KIF14: variants seen among roughly 807,000 people sequenced by gnomAD.
KIF14 encodes the protein kinesin family member 14, also known as kinesin-like protein KIF14.
Under a neutral mutation model 176.2 loss-of-function variants are expected in KIF14, and 98 were observed. The ratio of observed to expected loss-of-function variants is 0.56; its 90% CI spans 0.47 to 0.66. The LOEUF is 0.66. KIF14 is among the 30% of genes least tolerant of loss of function. The pLI, the probability that KIF14 is intolerant of heterozygous loss-of-function variation, is 0.00. For synonymous variants in KIF14, 566 were observed against 632.2 expected (o/e 0.90, Z 1.57); for missense variants, 1,751 against 1,920.4 (o/e 0.91, Z 1.65).
chr1:200,586,729 A>G (rs1365647692), intron 18 of KIF14, among the ~76,000 whole-genome samples: 1 of 150,280 alleles, frequency 6.7e-6, no homozygotes, highest in Non-Finnish European at 1.5e-5. Context: ...TATGGAATCA[A>G]CCTAAGTGTC....
intron 19 of KIF14, 28 bp downstream of exon 19, chr1:200,586,073 A>T: frequency 7.0e-7 from 1 of 1,426,792 alleles, no homozygotes. Flanking sequence ...ATTTTAGAAA[A>T]TGTTTGCTAA....
intron 4 of KIF14, among the ~76,000 whole-genome samples, chr1:200,610,410 TGAGGCAGAAGAATGGCATGAACCCGG>T (rs1660097253): frequency 6.7e-6 from 1 of 150,094 alleles, no homozygotes; most frequent in East Asian, 1.9e-4. Context: ...CTCAGGAGGC[TGAGGCAGAAGAATGGCATGAACCCGG>T]GAGGCAGAGC....
intron 18 of KIF14, among the ~76,000 whole-genome samples, chr1:200,587,510 C>A (rs181991151): frequency 6.6e-6 from 1 of 151,860 alleles, no homozygotes; most frequent in Non-Finnish European, 1.5e-5. Context: ...GCATTATAAG[C>A]CCAATAATAA....
intron 12 of KIF14, 26 bp downstream of exon 12, chr1:200,600,330 C>A (rs375684219): frequency 1.2e-6 from 2 of 1,605,922 alleles, no homozygotes; most frequent in Non-Finnish European, 1.7e-6. Flanking sequence ...ACACACTTAA[C>A]ATTTAGAGTA....
In KIF14 at chr1:200,586,085, A is replaced by G; in HGVS notation, c.3241+16T>C. The G allele has an allele frequency of 6.8e-7, 1 of 1,479,008 alleles. No individual in the cohort carries two copies. Among genetic ancestry groups the G allele is most frequent in the Non-Finnish European group, 9.1e-7 (1 of 1,101,628 alleles). 91.6% of individuals were successfully genotyped at this position (1,479,008 alleles called of 1,614,324 possible). On this transcript the variant is annotated intron_variant, in intron 19 of 29. Transcript: ENST00000367350. ...ATAATTTTAGAAAATGTTTGCTAAA[A>G]TCAGCACACACTTACCTGTAAAAGT...
chr1:200,619,646 C>T (rs1009668601), intron 1 of KIF14, among the ~76,000 whole-genome samples: 1 of 152,198 alleles, frequency 6.6e-6, no homozygotes, highest in Non-Finnish European at 1.5e-5. Flanking sequence ...CCACCGCGTC[C>T]GGCCCATGTA....
At chr1:200,554,364 C>G (rs1656717761) in intron 29 of KIF14, 104 bp downstream of exon 29, 1 of 757,124 alleles carries the variant, frequency 1.3e-6, no homozygotes. Context: ...GCACTCCAGC[C>G]TGAGTGACAG....
chr1:200,576,435 G>T (rs1266106641), intron 21 of KIF14, among the ~76,000 whole-genome samples: 1 of 142,826 alleles, frequency 7.0e-6, no homozygotes, highest in Non-Finnish European at 1.5e-5. Context: ...CCGAGATCGC[G>T]CCACTGCACT....
At chr1:200,606,704 A>G (rs1489475199) in intron 6 of KIF14, 42 bp downstream of exon 6, 2 of 1,527,392 alleles carry the variant, frequency 1.3e-6, no homozygotes, top group African/African-American at 1.4e-5. Flanking sequence ...CACTCTATTC[A>G]TTTGTTTTAT....
Position 200,553,595 on chromosome 1 carries a change from A to G in KIF14, c.4740T>C (p.Phe1580=), listed in dbSNP as rs780751057. 27 of 1,613,984 alleles carry G rather than the reference A, an allele frequency of 1.7e-5. No homozygotes were observed. Among genetic ancestry groups the G allele is most frequent in the Non-Finnish European group, 2.3e-5 (27 of 1,180,006 alleles). The change falls in exon 30 of 30, where the codon TTT becomes TTC. Residue 1580 remains phenylalanine, a synonymous_variant. Coordinates refer to ENST00000367350, the MANE Select transcript of KIF14 (RefSeq NM_014875.3). The part of the protein sequence containing the change: ...ELESLAKSLL[F]CFESEESPDL... ...CAGGGCTTTCTTCAGATTCAAAACA[A>G]AAGAGGAGAGACTTAGCTAGAGATT...
Position 200,589,197 on chromosome 1 carries a change from T to C in KIF14, c.3114+20A>G. The C allele has an allele frequency of 6.3e-7, 1 of 1,575,678 alleles. No homozygotes were observed. The highest frequency in any genetic ancestry group is 8.6e-7 in the Non-Finnish European group (1 of 1,160,100). ...AGCTTTTTCTCAGAATAGAGTTAAC[T>C]GGTTACACAATAAAATTACCTGTTT... On this transcript the variant is annotated intron_variant, in intron 18 of 29. Coordinates refer to ENST00000367350, the MANE Select transcript of KIF14 (RefSeq NM_014875.3).
At position 200,589,265 on chromosome 1, in the gene KIF14, T is replaced by C; in HGVS notation, c.3066A>G (p.Ile1022Met). Reference sequence around the variant, plus strand: ...TTTCTAATCGCTTTTTGTTGACATATATTTCCTGTTCAAGATGCTGCTTTG... The same window carrying C: ...TTTCTAATCGCTTTTTGTTGACATACATTTCCTGTTCAAGATGCTGCTTTG... ...EKAKQHLEQE[I>M]YVNKKRLEME... The change falls in exon 18 of 30, where the codon ATA becomes ATG. Residue 1022 changes from isoleucine to methionine, a missense_variant. Coordinates refer to ENST00000367350, the MANE Select transcript of KIF14 (RefSeq NM_014875.3). 1 of 1,611,732 alleles carries C rather than the reference T, an allele frequency of 6.2e-7. No individual in the cohort carries two copies. The highest frequency in any genetic ancestry group is 8.5e-7 in the Non-Finnish European group (1 of 1,178,362).
intron 23 of KIF14, among the ~76,000 whole-genome samples, chr1:200,566,454 G>A (rs925685567): frequency 4.0e-5 from 6 of 151,880 alleles, no homozygotes; most frequent in East Asian, 2.0e-4. Flanking sequence ...TTAGCTGGGC[G>A]TGGTGGCACA....
intron 21 of KIF14, among the ~76,000 whole-genome samples, chr1:200,578,987 C>A (rs75463915): frequency 6.6e-6 from 1 of 151,878 alleles, no homozygotes; most frequent in Non-Finnish European, 1.5e-5. Context: ...GCTACTCAGG[C>A]GGCTGAGGCA....
At chr1:200,560,242 A>G (rs1657060646) in intron 26 of KIF14, among the ~76,000 whole-genome samples, 1 of 150,792 alleles carries the variant, frequency 6.6e-6, no homozygotes, top group Non-Finnish European at 1.5e-5. Flanking sequence ...AAAATAATCC[A>G]ATATATTTAA....
intron 19 of KIF14, among the ~76,000 whole-genome samples, chr1:200,584,889 T>G (rs1658653305): frequency 6.6e-6 from 1 of 152,106 alleles, no homozygotes; most frequent in South Asian, 2.1e-4. Flanking sequence ...GTATCCAAAC[T>G]GAGAAGGAAG....
At chr1:200,613,049 G>A (rs1336502840) in intron 4 of KIF14, among the ~76,000 whole-genome samples, 1 of 151,770 alleles carries the variant, frequency 6.6e-6, no homozygotes, top group Non-Finnish European at 1.5e-5. Context: ...CACCACACCT[G>A]GCTAATTTTT....
Position 200,617,616 on chromosome 1 carries a change from T to C in KIF14, c.1108A>G (p.Lys370Glu), listed in dbSNP as rs200402097. The change falls in exon 2 of 30, where the codon AAG becomes GAG. Residue 370 changes from lysine to glutamate, a missense_variant. By Grantham distance (56) the Lys-to-Glu change is moderately conservative. Transcript: ENST00000367350. ...TVAVRVRPFT[K>E]REKIEKASQV... Reference sequence around the variant, plus strand: ...ATTTTAAAAGGCATCACATACCTCTTGGTGAAAGGTCTTACGCGTACTGCC... The same window carrying C: ...ATTTTAAAAGGCATCACATACCTCTCGGTGAAAGGTCTTACGCGTACTGCC... 3.2e-5 allele frequency: 51 copies of C among 1,596,732 alleles called. No homozygotes were observed. In the East Asian group the frequency reaches 1.1e-3, roughly 34 times the overall value.
chr1:200,553,469 T>C lies in KIF14; in HGVS notation c.4866A>G (p.Pro1622=), dbSNP rs1235288040. The change falls in exon 30 of 30, where the codon CCA becomes CCG. Residue 1622 remains proline, a synonymous_variant. Transcript: ENST00000367350. The part of the protein sequence containing the change: ...GIDGSKNKGV[P]KRVYELHGSS... ...AGCCATGGAGCTCATAGACACGCTT[T>C]GGTACACCTTTATTCTTACTGCCGT... 1 of 1,614,124 alleles carries C rather than the reference T, an allele frequency of 6.2e-7. No homozygotes were observed.
Sources: gnomAD v4.1 joint callset for allele counts (sites outside exome capture counted in the v4.1 genomes callset) on GRCh38, gnomAD v4.1.1 for gene constraint, MANE v1.5 for transcripts, NCBI Gene and HGNC (gene_info 2026-07-23, HGNC 2026-07-21) for gene names.